KCNMA1: variants seen among roughly 807,000 people sequenced by gnomAD.
The protein encoded by KCNMA1 is potassium calcium-activated channel subfamily M alpha 1.
KCNMA1 carries 29 observed loss-of-function variants against 140.0 expected under a neutral mutation model. That is an observed-to-expected ratio of 0.21 (90% CI 0.15 to 0.28). The LOEUF is 0.28. Among genes scored for constraint, KCNMA1 ranks in the 10% least tolerant of loss-of-function variants. KCNMA1 has a pLI of 1.00. For missense variants in KCNMA1, 880 were observed against 1,602.2 expected (o/e 0.55, Z 7.70); for synonymous variants, 612 against 611.9 (o/e 1.00, Z 0.00).
intron 1 of KCNMA1, among the ~76,000 whole-genome samples, chr10:77,537,916 T>C (rs2059277881): frequency 6.6e-6 from 1 of 152,060 alleles, no homozygotes; most frequent in African/African-American, 2.4e-5. Context: ...ACGCCCGTTA[T>C]GATGATGGAT....
intron 14 of KCNMA1, among the ~76,000 whole-genome samples, chr10:77,044,928 C>A (rs1460040144): frequency 6.6e-6 from 1 of 151,866 alleles, no homozygotes; most frequent in Admixed American, 6.6e-5. Flanking sequence ...TTGCTGTGTA[C>A]AAGTACCAAA....
intron 17 of KCNMA1, among the ~76,000 whole-genome samples, chr10:77,016,546 T>C (rs1371367757): frequency 6.6e-6 from 1 of 152,136 alleles, no homozygotes; most frequent in African/African-American, 2.4e-5. Context: ...TAATAAGGAT[T>C]TTTATATAAA....
At chr10:77,084,769 T>C (rs768466669) in intron 11 of KCNMA1, 50 bp from the exon 12 acceptor site, 1 of 1,308,906 alleles carries the variant, frequency 7.6e-7, no homozygotes, top group Non-Finnish European at 1.1e-6. Context: ...TAAATAGCCA[T>C]GCTCGAGTGT....
intron 1 of KCNMA1, among the ~76,000 whole-genome samples, chr10:77,424,895 C>T (rs1284025306): frequency 1.3e-5 from 2 of 152,222 alleles, no homozygotes; most frequent in Non-Finnish European, 2.9e-5. Flanking sequence ...AATTTCACAG[C>T]TATTTGCTGA....
At chr10:77,633,144 G>A (rs1316221273) in intron 1 of KCNMA1, among the ~76,000 whole-genome samples, 4 of 152,116 alleles carry the variant, frequency 2.6e-5, no homozygotes, top group East Asian at 1.9e-4. Context: ...GTGAAACCCC[G>A]TCTCTACTTA....
intron 1 of KCNMA1, among the ~76,000 whole-genome samples, chr10:77,555,908 A>C (rs1191423055): frequency 6.6e-6 from 1 of 152,192 alleles, no homozygotes; most frequent in African/African-American, 2.4e-5. Flanking sequence ...GAACTGTTAC[A>C]TCTTTGATCG....
chr10:77,100,196 G>A (rs545844004), intron 9 of KCNMA1, among the ~76,000 whole-genome samples: 1 of 152,212 alleles, frequency 6.6e-6, no homozygotes, highest in East Asian at 1.9e-4. Context: ...CACATGGTGG[G>A]GATTCAAATT....
chr10:77,013,622 A>C (rs1197409645), intron 17 of KCNMA1, among the ~76,000 whole-genome samples: 1 of 152,186 alleles, frequency 6.6e-6, no homozygotes, highest in Non-Finnish European at 1.5e-5. Context: ...CATAATGATA[A>C]TAACGGTAAC....
chr10:77,006,873 G>A (rs963095223), intron 18 of KCNMA1, among the ~76,000 whole-genome samples: 3 of 152,172 alleles, frequency 2.0e-5, no homozygotes, highest in Non-Finnish European at 4.4e-5. Context: ...CCACAGAGTC[G>A]ATTTTGGCAA....
intron 15 of KCNMA1, among the ~76,000 whole-genome samples, chr10:77,036,925 CCTT>C (rs1463023388): frequency 6.6e-6 from 1 of 152,150 alleles, no homozygotes; most frequent in Admixed American, 6.6e-5. Flanking sequence ...CATTAAATGT[CCTT>C]CTTTTATTGA....
intron 2 of KCNMA1, among the ~76,000 whole-genome samples, chr10:77,400,351 T>A (rs1178744793): frequency 6.6e-6 from 1 of 152,162 alleles, no homozygotes; most frequent in Non-Finnish European, 1.5e-5. Flanking sequence ...AAGGAGACCT[T>A]CAGAGAGCAG....
At position 77,493,871 on chromosome 10, in the gene KCNMA1, C is replaced by T. The variant is rs190756447; in HGVS notation, c.379-89848G>A. 826 of 152,304 alleles carry T rather than the reference C, an allele frequency of 5.4e-3. 7 individuals carry two copies. Among genetic ancestry groups the T allele is most frequent in the Non-Finnish European group, 9.4e-3 (642 of 68,038 alleles). 9.4% of individuals were successfully genotyped at this position (152,304 alleles called of 1,614,324 possible). On this transcript the variant is annotated intron_variant, in intron 1 of 27. Transcript: ENST00000286628. ...AGCACTGGAAGACTTCTGGGCCTCG[C>T]GTGGCTGCAGGTGAAACATACAGCC...
chr10:76,940,979 A>G (rs1411431496), intron 23 of KCNMA1, among the ~76,000 whole-genome samples: 3 of 130,326 alleles, frequency 2.3e-5, no homozygotes, highest in Non-Finnish European at 4.7e-5. Flanking sequence ...GAAAGAAAGA[A>G]AGAGAGAAAG....
At chr10:77,055,386 C>T (rs1437952381) in intron 14 of KCNMA1, among the ~76,000 whole-genome samples, 1 of 152,170 alleles carries the variant, frequency 6.6e-6, no homozygotes, top group Non-Finnish European at 1.5e-5. Context: ...CCAGGAGAAG[C>T]CTCATAGTAG....
chr10:77,060,396 T>C (rs1409634458), intron 14 of KCNMA1, among the ~76,000 whole-genome samples: 1 of 152,222 alleles, frequency 6.6e-6, no homozygotes, highest in Non-Finnish European at 1.5e-5. Flanking sequence ...GTACCTCCTT[T>C]CATCCTTCCA....
chr10:77,048,363 C>T (rs1056466758), intron 14 of KCNMA1, among the ~76,000 whole-genome samples: 4 of 152,178 alleles, frequency 2.6e-5, no homozygotes, highest in African/African-American at 7.2e-5. Context: ...CAACATGGCA[C>T]CACTCTGTCT....
At chr10:77,400,006 C>T (rs551992115) in intron 2 of KCNMA1, among the ~76,000 whole-genome samples, 3 of 152,334 alleles carry the variant, frequency 2.0e-5, no homozygotes, top group East Asian at 3.9e-4. Flanking sequence ...GGAGGCCAAG[C>T]TCCTGAGCGT....
At chr10:77,146,399 T>G (rs1243706577) in intron 5 of KCNMA1, among the ~76,000 whole-genome samples, 1 of 151,968 alleles carries the variant, frequency 6.6e-6, no homozygotes, top group Non-Finnish European at 1.5e-5. Context: ...TATGACTGCA[T>G]GTAAAAAATA....
rs1373150494 is a variant in KCNMA1 at position 77,073,258 on chromosome 10, G to T, written c.1594-6C>A. ...GGGATGTTTAGCAGATGGGCCTGGGGAAAGAAAAGCAGGTATGAGACCTTG... is the reference window on the plus strand; with the variant it reads ...GGGATGTTTAGCAGATGGGCCTGGGTAAAGAAAAGCAGGTATGAGACCTTG... On this transcript the variant is annotated splice_region_variant and splice_polypyrimidine_tract_variant and intron_variant, in intron 13 of 27. Transcript: ENST00000286628. 1 of 1,613,872 alleles carries T rather than the reference G, an allele frequency of 6.2e-7. No homozygotes were observed. Among genetic ancestry groups the T allele is most frequent in the African/African-American group, 1.3e-5 (1 of 74,914 alleles).
Sources: allele counts gnomAD v4.1 joint callset (sites outside exome capture counted in the v4.1 genomes callset), GRCh38; gene constraint gnomAD v4.1.1; transcripts MANE v1.5; gene names NCBI Gene and HGNC (gene_info 2026-07-23, HGNC 2026-07-21).